SYCP2L: variants seen among roughly 807,000 people sequenced by gnomAD.
SYCP2L encodes the protein synaptonemal complex protein 2-like.
A neutral mutation model predicts 125.8 loss-of-function variants in SYCP2L; 98 were observed. The ratio of observed to expected loss-of-function variants is 0.78; its 90% confidence interval spans 0.66 to 0.92. The LOEUF is 0.92. Ranked by LOEUF, SYCP2L falls within the 40% of genes least tolerant of loss-of-function variation. The probability of loss-of-function intolerance (pLI) is 0.00; values close to 1 mark genes in which losing one functional copy is unlikely to be tolerated. For missense variants in SYCP2L, 842 were observed against 936.4 expected (o/e 0.90, Z 1.32); for synonymous variants, 317 against 325.4 (o/e 0.97, Z 0.28).
At chr6:10,936,941 A>G (rs936579394) in intron 21 of SYCP2L, among the ~76,000 whole-genome samples, 2 of 152,262 alleles carry the variant, frequency 1.3e-5, no homozygotes, top group African/African-American at 4.8e-5. Context: ...ACCTAAATGT[A>G]TAAAGCAAAT....
chr6:10,911,176 A>G (rs895734533), intron 12 of SYCP2L, among the ~76,000 whole-genome samples: 5 of 152,104 alleles, frequency 3.3e-5, no homozygotes, highest in African/African-American at 4.8e-5. Context: ...AACATAATTC[A>G]TGCCTAGACT....
chr6:10,891,418 ATTTTTTTTT>A (rs61237589), intron 1 of SYCP2L, 86 bp from the exon 2 acceptor site: 12 of 474,170 alleles, frequency 2.5e-5, no homozygotes, highest in Admixed American at 8.6e-5. Context: ...CAAACCTTTA[ATTTTTTTTT>A]TTTTTTTTTT....
intron 28 of SYCP2L, among the ~76,000 whole-genome samples, chr6:10,962,513 T>C (rs886089849): frequency 6.6e-6 from 1 of 152,204 alleles, no homozygotes; most frequent in African/African-American, 2.4e-5. Context: ...GGTCTTGGAA[T>C]CAAGACCTCT....
Position 10,954,967 on chromosome 6 carries a change from T to C in SYCP2L, c.1955-149T>C, listed in dbSNP as rs1424384091. ...TAGACATCGTGCTTCGATACTTGGT[T>C]TGTGCCTAGTCGATGCACCGAATGA... On this transcript the variant is annotated intron_variant, in intron 23 of 29. Coordinates refer to ENST00000283141, the MANE Select transcript of SYCP2L (RefSeq NM_001040274.3). This position sits in a 1 kb window ranked among gnomAD's most constrained non-coding sequence, Gnocchi z 4.8. The C allele has an allele frequency of 6.5e-6, 4 of 615,756 alleles. No individual in the cohort carries two copies. The highest frequency in any genetic ancestry group is 1.2e-5 in the Non-Finnish European group (4 of 340,608). 38.1% of individuals were successfully genotyped at this position (615,756 alleles called of 1,614,324 possible). A position where few individuals can be genotyped will look rare whatever the true frequency, so the allele number is the denominator to read the frequency against.
intron 23 of SYCP2L, among the ~76,000 whole-genome samples, chr6:10,949,364 C>A (rs955155752): frequency 6.6e-5 from 10 of 152,058 alleles, no homozygotes; most frequent in Admixed American, 1.3e-4. Context: ...TTTTTTAAAA[C>A]CCAGTTATTT....
intron 29 of SYCP2L, 57 bp downstream of exon 29, chr6:10,963,900 C>G: frequency 7.5e-7 from 1 of 1,341,008 alleles, no homozygotes; most frequent in Admixed American, 1.8e-5. Context: ...GGGCAGGGAG[C>G]AAGCTCTAAA....
intron 5 of SYCP2L, 103 bp downstream of exon 5, chr6:10,898,218 T>C (rs1319324654): frequency 2.2e-6 from 2 of 896,362 alleles, no homozygotes; most frequent in Non-Finnish European, 3.5e-6. Context: ...GTAAGTTTTG[T>C]TAAAAGACTC....
At chr6:10,973,040 A>G (rs1282872981) in intron 29 of SYCP2L, among the ~76,000 whole-genome samples, 2 of 152,262 alleles carry the variant, frequency 1.3e-5, no homozygotes, top group Non-Finnish European at 1.5e-5. Context: ...GGTGTTAGAT[A>G]GGTAACTAGT....
intron 14 of SYCP2L, among the ~76,000 whole-genome samples, chr6:10,916,554 C>G (rs950393835): frequency 2.6e-5 from 4 of 152,158 alleles, no homozygotes; most frequent in African/African-American, 9.7e-5. Flanking sequence ...TTTTAAATTT[C>G]CATCTTGATT....
rs116316985 is a variant in SYCP2L at position 10,922,271 on chromosome 6, C to G, written c.1073-2225C>G. Among the ~76,000 whole-genome samples, 978 of 152,220 alleles carry G rather than the reference C, an allele frequency of 6.4e-3. 12 individuals carry two copies. Among genetic ancestry groups the G allele is most frequent in the African/African-American group, 0.022 (926 of 41,528 alleles). On this transcript the variant is annotated intron_variant, in intron 14 of 29. Coordinates refer to ENST00000283141, the MANE Select transcript of SYCP2L (RefSeq NM_001040274.3). ...ATTTCTACAGGAAGTAGGTATTACT[C>G]TTTCCATTCTTATAGCCAAAGAAAC...
At chr6:10,891,930 C>G (rs1212616099) in intron 2 of SYCP2L, among the ~76,000 whole-genome samples, 1 of 152,142 alleles carries the variant, frequency 6.6e-6, no homozygotes, top group African/African-American at 2.4e-5. Flanking sequence ...ACAACGTCTG[C>G]CTTTATGGAG....
At chr6:10,961,151 G>A (rs774988164) in intron 26 of SYCP2L, among the ~76,000 whole-genome samples, 154 bp from the exon 27 acceptor site, 3 of 152,080 alleles carry the variant, frequency 2.0e-5, no homozygotes, top group Admixed American at 1.3e-4. Flanking sequence ...CAGGCAGGGA[G>A]GGGAGGGAAG....
At chr6:10,947,313 A>G (rs562927751) in intron 23 of SYCP2L, among the ~76,000 whole-genome samples, 1 of 152,182 alleles carries the variant, frequency 6.6e-6, no homozygotes, top group East Asian at 1.9e-4. Flanking sequence ...AAGTTGATCA[A>G]GTTACTTAAG....
At chr6:10,935,275 T>G in intron 21 of SYCP2L, 88 bp downstream of exon 21, 5 of 1,296,042 alleles carry the variant, frequency 3.9e-6, no homozygotes, top group Non-Finnish European at 4.3e-6. Context: ...TATTTTAATA[T>G]CTATTAAAGA....
At chr6:10,938,366 A>G (rs1347450932) in intron 21 of SYCP2L, among the ~76,000 whole-genome samples, 1 of 152,238 alleles carries the variant, frequency 6.6e-6, no homozygotes, top group African/African-American at 2.4e-5. Flanking sequence ...ACATCCTTTC[A>G]TAATGACTTT....
Position 10,958,752 on chromosome 6 carries a change from G to T in SYCP2L, c.2164-32G>T, listed in dbSNP as rs372407188. 1.0e-5 allele frequency: 16 copies of T among 1,568,450 alleles called. No individual in the cohort carries two copies. In the African/African-American group the frequency reaches 1.8e-4, roughly 18 times the overall value. On this transcript the variant is annotated intron_variant, in intron 25 of 29. Coordinates refer to ENST00000283141, the MANE Select transcript of SYCP2L (RefSeq NM_001040274.3). ...CTCAACTTATGTAATTATATTAAAT[G>T]TGATCATCTTGTTATTGTTGTTATG... is the stretch of plus-strand genomic sequence containing the variant.
At chr6:10,966,787 A>G (rs68148747) in intron 29 of SYCP2L, among the ~76,000 whole-genome samples, 2 of 152,012 alleles carry the variant, frequency 1.3e-5, no homozygotes, top group Non-Finnish European at 2.9e-5. Flanking sequence ...GAAAGACTAG[A>G]TGCAGTAAAC....
intron 23 of SYCP2L, among the ~76,000 whole-genome samples, chr6:10,952,832 C>T (rs749979488): frequency 2.6e-5 from 4 of 152,114 alleles, no homozygotes; most frequent in Non-Finnish European, 4.4e-5. Context: ...CTTGAAATGA[C>T]GGGATCCCCC....
intron 3 of SYCP2L, 23 bp downstream of exon 3, chr6:10,894,027 C>T (rs1430212486): frequency 6.2e-7 from 1 of 1,602,936 alleles, no homozygotes; most frequent in Non-Finnish European, 8.5e-7. Context: ...GCTTTGTGAC[C>T]AAAATACAAA....
Sources: allele counts gnomAD v4.1 joint callset (sites outside exome capture counted in the v4.1 genomes callset), GRCh38; gene constraint gnomAD v4.1.1; non-coding constraint Gnocchi (gnomAD v3.1); transcripts MANE v1.5; gene names NCBI Gene and HGNC (gene_info 2026-07-23, HGNC 2026-07-21).